The following TAF4 variants were observed in gnomAD, a reference collection of about 807,000 sequenced individuals.
TAF4 encodes transcription initiation factor TFIID subunit 4.
A neutral mutation model predicts 90.3 loss-of-function variants in TAF4; 9 were observed. The ratio of observed to expected loss-of-function variants is 0.10; its 90% CI spans 0.06 to 0.17. The LOEUF (loss-of-function observed/expected upper bound fraction) is 0.17, where lower values mean the gene tolerates loss of function less well. TAF4 is among the 10% of genes least tolerant of loss of function. The pLI is 1.00. For synonymous variants in TAF4, 818 were observed against 638.9 expected (o/e 1.28, Z -4.23); for missense variants, 1,351 against 1,370.7 (o/e 0.99, Z 0.23).
intron 1 of TAF4, among the ~76,000 whole-genome samples, chr20:62,025,627 A>T (rs957877802): frequency 6.6e-6 from 1 of 152,216 alleles, no homozygotes; most frequent in African/African-American, 2.4e-5. Context: ...CGCCATGTGA[A>T]GAAGGTACTT....
At chr20:62,055,913 TC>T (rs1033069175) in intron 1 of TAF4, among the ~76,000 whole-genome samples, 20 of 152,040 alleles carry the variant, frequency 1.3e-4, no homozygotes, top group African/African-American at 4.6e-4. Flanking sequence ...TCATCAGCCT[TC>T]CCCCGTGGCC....
intron 1 of TAF4, among the ~76,000 whole-genome samples, chr20:62,042,570 A>G (rs1156385553): frequency 6.6e-6 from 1 of 152,228 alleles, no homozygotes; most frequent in Non-Finnish European, 1.5e-5. Flanking sequence ...CGGGAGCCCA[A>G]AAGGGCTCAC....
chr20:62,009,321 C>A, intron 4 of TAF4, 147 bp from the exon 5 acceptor site: 1 of 883,700 alleles, frequency 1.1e-6, no homozygotes, highest in African/African-American at 1.7e-5. Flanking sequence ...CCTCTTGGAA[C>A]CCTGGGCCAT....
intron 12 of TAF4, 93 bp downstream of exon 12, chr20:61,998,890 T>C: frequency 6.5e-7 from 1 of 1,530,942 alleles, no homozygotes; most frequent in African/African-American, 1.4e-5. Context: ...AAACATGCTC[T>C]GACCACCCAA....
At chr20:61,986,782 A>T (rs2055595088) in intron 14 of TAF4, among the ~76,000 whole-genome samples, 1 of 152,280 alleles carries the variant, frequency 6.6e-6, no homozygotes, top group Admixed American at 6.5e-5. Flanking sequence ...AATATAAGTA[A>T]GTAACTGAAT....
At chr20:62,011,761 T>G (rs1316772235) in intron 3 of TAF4, among the ~76,000 whole-genome samples, 2 of 152,212 alleles carry the variant, frequency 1.3e-5, no homozygotes, top group East Asian at 3.9e-4. Context: ...AGGCAAGGAC[T>G]CTGGATCTCT....
chr20:62,035,860 C>T (rs6089619), intron 1 of TAF4, among the ~76,000 whole-genome samples: 72,772 of 151,686 alleles, frequency 0.48, 18,282 homozygotes, highest in Middle Eastern at 0.64. Flanking sequence ...ATAATTAATA[C>T]GAAATAATTT....
At chr20:61,984,069 CA>C (rs2055567052) in intron 14 of TAF4, among the ~76,000 whole-genome samples, 1 of 152,210 alleles carries the variant, frequency 6.6e-6, no homozygotes, top group Non-Finnish European at 1.5e-5. Context: ...TAGCAGCAGT[CA>C]TGGAACAGCA....
At chr20:61,981,360 A>C (rs2123093513) in intron 14 of TAF4, 1 of 152,306 alleles carries the variant, frequency 6.6e-6, no homozygotes, top group South Asian at 2.1e-4. Flanking sequence ...ATACAGGAAA[A>C]TCTGCTTAAG....
chr20:62,021,711 G>A (rs1022985383), intron 1 of TAF4, among the ~76,000 whole-genome samples: 5 of 152,358 alleles, frequency 3.3e-5, no homozygotes, highest in African/African-American at 1.2e-4. Flanking sequence ...CAGTTAAAAG[G>A]GGGTGGGTGG....
rs763837222 is a variant in TAF4 at position 62,064,461 on chromosome 20, C to G, written c.1350G>C (p.Gln450His). The change falls in exon 1 of 15, where the codon CAG (glutamine) becomes CAC (histidine). Residue 450 changes from glutamine to histidine, a missense_variant. Physicochemically the swap from Gln to His is conservative, Grantham distance 24. Coordinates refer to ENST00000252996, the MANE Select transcript of TAF4 (RefSeq NM_003185.4). ...PQNPTNIQNF[Q>H]LPPGMVLVRS... Reference sequence around the variant, plus strand: ...CGTGCGGCCACTCACCTGGGGGCAGCTGGAAGTTCTGGATGTTGGTCGGGT... The same window carrying G: ...CGTGCGGCCACTCACCTGGGGGCAGGTGGAAGTTCTGGATGTTGGTCGGGT... The G allele has an allele frequency of 4.0e-5, 58 of 1,456,292 alleles. 2 individuals carry two copies. The South Asian group carries it at 4.2e-4, about 11-fold the overall frequency. The allele number at this position is 1,456,292 out of a possible 1,614,324, so 90.2% of individuals were successfully genotyped here. A position where few individuals can be genotyped will look rare whatever the true frequency, so the allele number is the denominator to read the frequency against.
intron 14 of TAF4, among the ~76,000 whole-genome samples, chr20:61,989,787 G>T (rs2055619280): frequency 6.6e-6 from 1 of 152,232 alleles, no homozygotes; most frequent in Admixed American, 6.5e-5. Context: ...ACTGCAGTGA[G>T]TGAACGAATC....
chr20:61,997,694 G>A (rs1430288219), intron 13 of TAF4, 25 bp from the exon 14 acceptor site: 2 of 1,602,006 alleles, frequency 1.2e-6, no homozygotes, highest in East Asian at 4.5e-5. Context: ...AGGAGACAAG[G>A]AGCATCATTT....
intron 1 of TAF4, among the ~76,000 whole-genome samples, chr20:62,024,500 CAG>C (rs2055863643): frequency 6.6e-6 from 1 of 152,232 alleles, no homozygotes; most frequent in African/African-American, 2.4e-5. Context: ...ACAGAACGGA[CAG>C]ACTCTTTAGA....
At chr20:62,022,955 C>T (rs574174211) in intron 1 of TAF4, among the ~76,000 whole-genome samples, 57 of 151,496 alleles carry the variant, frequency 3.8e-4, no homozygotes, top group African/African-American at 1.3e-3. Context: ...AACAAAAATG[C>T]GAGCAAGTGA....
chr20:62,054,578 G>A (rs1204093969), intron 1 of TAF4, among the ~76,000 whole-genome samples: 1 of 152,100 alleles, frequency 6.6e-6, no homozygotes, highest in East Asian at 1.9e-4. Context: ...ACAGCTCTTT[G>A]CTCTGGGCCA....
chr20:62,045,779 C>T (rs1352491087), intron 1 of TAF4, among the ~76,000 whole-genome samples: 2 of 152,184 alleles, frequency 1.3e-5, no homozygotes, highest in Non-Finnish European at 2.9e-5. Flanking sequence ...AAAACTCTTT[C>T]TCGTCTAATC....
intron 1 of TAF4, among the ~76,000 whole-genome samples, chr20:62,041,885 AGCCTGAGT>A (rs2055965775): frequency 6.6e-6 from 1 of 151,944 alleles, no homozygotes; most frequent in Non-Finnish European, 1.5e-5. Flanking sequence ...ACTGCACTCC[AGCCTGAGT>A]GACAGAGTGA....
chr20:62,029,183 G>C (rs1367870769), intron 1 of TAF4, among the ~76,000 whole-genome samples: 2 of 148,002 alleles, frequency 1.4e-5, no homozygotes, highest in African/African-American at 5.0e-5. Context: ...GCGACAGAGC[G>C]AGACTCTGTC....
Sources: allele counts gnomAD v4.1 joint callset (sites outside exome capture counted in the v4.1 genomes callset), GRCh38; gene constraint gnomAD v4.1.1; transcripts MANE v1.5; gene names NCBI Gene and HGNC (gene_info 2026-07-23, HGNC 2026-07-21).